Variants in KCND2 observed in about 807,000 individuals in gnomAD.
KCND2 encodes A-type voltage-gated potassium channel KCND2.
Under a neutral mutation model 54.4 loss-of-function variants are expected in KCND2, and 16 were observed. The observed-to-expected ratio is 0.29, with a 90% confidence interval of 0.20 to 0.45. KCND2 has a LOEUF of 0.45. Ranked by LOEUF, KCND2 falls within the 20% of genes least tolerant of loss-of-function variation. The pLI is 1.00. For synonymous variants in KCND2, 317 were observed against 310.7 expected, an observed-to-expected ratio of 1.02 and a Z score of -0.21; for missense variants, 486 against 824.2, an observed-to-expected ratio of 0.59 and a Z score of 5.02.
At chr7:120,409,100 T>A (rs1265733262) in intron 1 of KCND2, among the ~76,000 whole-genome samples, 3 of 151,912 alleles carry the variant, frequency 2.0e-5, no homozygotes, top group Non-Finnish European at 2.9e-5. Context: ...AGGAAACATA[T>A]GTGATTTATT....
intron 1 of KCND2, among the ~76,000 whole-genome samples, chr7:120,694,498 G>A (rs1022842947): frequency 4.6e-5 from 7 of 152,092 alleles, no homozygotes; most frequent in Non-Finnish European, 7.4e-5. Flanking sequence ...CTTCCTATGC[G>A]AGCCTGGCCA....
intron 1 of KCND2, among the ~76,000 whole-genome samples, chr7:120,342,781 AGACAATGCACATTT>A (rs1372186962): frequency 1.3e-5 from 2 of 152,192 alleles, no homozygotes; most frequent in Non-Finnish European, 2.9e-5. Context: ...GGAAATTTAA[AGACAATGCACATTT>A]TCTATTAAAC....
intron 1 of KCND2, among the ~76,000 whole-genome samples, chr7:120,299,759 G>C (rs146609976): frequency 6.6e-6 from 1 of 152,228 alleles, no homozygotes; most frequent in Admixed American, 6.5e-5. Flanking sequence ...GCAAAGTCCT[G>C]TGATACTCGT....
At chr7:120,303,288 C>A (rs1799611068) in intron 1 of KCND2, among the ~76,000 whole-genome samples, 2 of 152,082 alleles carry the variant, frequency 1.3e-5, no homozygotes, top group Admixed American at 1.3e-4. Flanking sequence ...ACCAAAGTTA[C>A]CTATAATTGT....
intron 1 of KCND2, among the ~76,000 whole-genome samples, chr7:120,360,549 G>T (rs1800578266): frequency 6.6e-6 from 1 of 152,044 alleles, no homozygotes; most frequent in Admixed American, 6.6e-5. Flanking sequence ...AAGCCTTTGT[G>T]CCAGTACTCT....
chr7:120,540,219 T>C (rs1791963187), intron 1 of KCND2, among the ~76,000 whole-genome samples: 1 of 152,202 alleles, frequency 6.6e-6, no homozygotes, highest in African/African-American at 2.4e-5. Flanking sequence ...AAATAAAGTG[T>C]ACTTGTAACA....
intron 1 of KCND2, among the ~76,000 whole-genome samples, chr7:120,711,216 A>G (rs1584892633): frequency 6.6e-6 from 1 of 152,170 alleles, no homozygotes; most frequent in Non-Finnish European, 1.5e-5. Context: ...TATCTCACAT[A>G]AAGACACTGA....
chr7:120,553,631 T>C (rs1468280564), intron 1 of KCND2, among the ~76,000 whole-genome samples: 4 of 152,200 alleles, frequency 2.6e-5, no homozygotes, highest in Non-Finnish European at 4.4e-5. Flanking sequence ...GGTTGATAAA[T>C]TATCATCTCC....
At chr7:120,529,684 C>T (rs1220588509) in intron 1 of KCND2, among the ~76,000 whole-genome samples, 1 of 152,148 alleles carries the variant, frequency 6.6e-6, no homozygotes, top group African/African-American at 2.4e-5. Flanking sequence ...AAATCCACAG[C>T]AGCACCTGTA....
intron 1 of KCND2, among the ~76,000 whole-genome samples, chr7:120,283,760 G>A (rs1316186025): frequency 6.6e-6 from 1 of 152,104 alleles, no homozygotes; most frequent in Non-Finnish European, 1.5e-5. Flanking sequence ...CACACATTTT[G>A]AATTCTAGTT....
At chr7:120,561,887 C>G (rs1342547293) in intron 1 of KCND2, among the ~76,000 whole-genome samples, 1 of 152,144 alleles carries the variant, frequency 6.6e-6, no homozygotes, top group Non-Finnish European at 1.5e-5. Context: ...GCTGGGATTA[C>G]AGGCATTCGC....
At chr7:120,545,861 G>A (rs547532650) in intron 1 of KCND2, among the ~76,000 whole-genome samples, 5 of 151,292 alleles carry the variant, frequency 3.3e-5, no homozygotes, top group Admixed American at 1.3e-4. Context: ...TTCAGTGACT[G>A]TTGTTCAAAA....
In KCND2 at chr7:120,450,208, C is replaced by T. The variant is rs558357349; in HGVS notation, c.1115+174461C>T. On this transcript the variant is annotated intron_variant, in intron 1 of 5. Coordinates refer to ENST00000331113, the MANE Select transcript of KCND2 (RefSeq NM_012281.3). ...CGGGTGGATCATGAGGTCAAGAGATCGAGACCATCCTGGCCAAATGGTGAA... is the reference window on the plus strand; with the variant it reads ...CGGGTGGATCATGAGGTCAAGAGATTGAGACCATCCTGGCCAAATGGTGAA... Among the ~76,000 whole-genome samples the T allele has an allele frequency of 8.5e-5, 13 of 152,162 alleles. No individual in the cohort carries two copies. In the South Asian group the frequency reaches 1.2e-3, roughly 15 times the overall value.
chr7:120,662,884 A>G (rs1791883395), intron 1 of KCND2, among the ~76,000 whole-genome samples: 1 of 152,230 alleles, frequency 6.6e-6, no homozygotes, highest in Non-Finnish European at 1.5e-5. Flanking sequence ...CTGCCAGCAC[A>G]TTGGTTGATT....
chr7:120,532,376 A>C (rs548043885), intron 1 of KCND2, among the ~76,000 whole-genome samples: 1 of 152,034 alleles, frequency 6.6e-6, no homozygotes, highest in East Asian at 1.9e-4. Flanking sequence ...CATATTTTAA[A>C]ACAGTTAAGC....
intron 1 of KCND2, among the ~76,000 whole-genome samples, chr7:120,496,252 AG>A (rs1266960916): frequency 2.6e-5 from 4 of 152,012 alleles, no homozygotes; most frequent in African/African-American, 9.7e-5. Context: ...CAGGCTTACT[AG>A]GTAGATTGTA....
At chr7:120,553,229 A>G (rs1584825108) in intron 1 of KCND2, among the ~76,000 whole-genome samples, 2 of 152,300 alleles carry the variant, frequency 1.3e-5, no homozygotes, top group Admixed American at 1.3e-4. Flanking sequence ...TAGATTCCAC[A>G]TCTAAGTGAG....
In KCND2 at chr7:120,507,661, C is replaced by T. The variant is rs190576322; in HGVS notation, c.1116-225242C>T. Among the ~76,000 whole-genome samples the T allele has an allele frequency of 6.9e-3, 1,053 of 151,952 alleles. 10 individuals carry two copies. Among genetic ancestry groups the T allele is most frequent in the Middle Eastern group, 0.017 (5 of 294 alleles). The stretch of plus-strand genomic sequence containing the variant: ...AAGAAGACTACATGTTATGCAGTAT[C>T]AAGATAGAATATGTCTGGATTTCCT... On this transcript the variant is annotated intron_variant, in intron 1 of 5. Transcript: ENST00000331113.
intron 1 of KCND2, among the ~76,000 whole-genome samples, chr7:120,649,985 G>A (rs1342390533): frequency 2.0e-5 from 3 of 152,082 alleles, no homozygotes; most frequent in East Asian, 1.9e-4. Context: ...CGAGAGATCC[G>A]CTGTTAGTCT....
Sources: allele counts gnomAD v4.1 joint callset (sites outside exome capture counted in the v4.1 genomes callset), GRCh38; gene constraint gnomAD v4.1.1; transcripts MANE v1.5; gene names NCBI Gene and HGNC (gene_info 2026-07-23, HGNC 2026-07-21).